TRAF3IP1: variants seen among roughly 807,000 people sequenced by gnomAD.
TRAF3IP1 encodes TRAF3-interacting protein 1.
TRAF3IP1 carries 53 observed loss-of-function variants against 89.9 expected under a neutral mutation model. The observed-to-expected ratio is 0.59, with a 90% confidence interval of 0.47 to 0.74. TRAF3IP1 has a LOEUF of 0.74. Among genes scored for constraint, TRAF3IP1 ranks in the 30% least tolerant of loss-of-function variants. The pLI is 0.00. For missense variants in TRAF3IP1, 806 were observed against 866.1 expected (o/e 0.93, Z 0.87); for synonymous variants, 311 against 322.1 (o/e 0.97, Z 0.37).
At chr2:238,321,721 C>G (rs1420402130) in intron 1 of TRAF3IP1, among the ~76,000 whole-genome samples, 1 of 152,204 alleles carries the variant, frequency 6.6e-6, no homozygotes, top group Non-Finnish European at 1.5e-5. Context: ...GCAGCGGGCG[C>G]AGCACCCATT....
intron 8 of TRAF3IP1, among the ~76,000 whole-genome samples, chr2:238,342,561 G>A (rs1209315580): frequency 1.3e-5 from 2 of 152,150 alleles, no homozygotes; most frequent in South Asian, 2.1e-4. Flanking sequence ...TTTGCTTACT[G>A]TGATGGTGAA....
intron 15 of TRAF3IP1, among the ~76,000 whole-genome samples, chr2:238,378,803 C>G (rs182322280): frequency 2.0e-5 from 3 of 152,192 alleles, no homozygotes; most frequent in East Asian, 1.9e-4. Context: ...GGACCCCCCC[C>G]CAGGCCCCAG....
At chr2:238,356,783 T>TC (rs1699430891) in intron 15 of TRAF3IP1, among the ~76,000 whole-genome samples, 1 of 151,274 alleles carries the variant, frequency 6.6e-6, no homozygotes, top group South Asian at 2.1e-4. Flanking sequence ...GGGAATTTTT[T>TC]TTTTTTTTTT....
rs1697975791 is a variant in TRAF3IP1 at position 238,328,926 on chromosome 2, G to T, written c.499G>T (p.Asp167Tyr). The change falls in exon 5 of 17, where the codon GAT (aspartate) becomes TAT (tyrosine). Residue 167 changes from aspartate to tyrosine, a missense_variant and splice_region_variant. Coordinates refer to ENST00000373327, the MANE Select transcript of TRAF3IP1 (RefSeq NM_015650.4). ...EESRVHKNTE[D>Y]RGDAEIKERS... ...AAATGATTTTATTTTTATTTCGTAG[G>T]ATAGAGGAGACGCTGAAATAAAAGA... The T allele has an allele frequency of 4.5e-6, 7 of 1,568,052 alleles. No homozygotes were observed. The highest frequency in any genetic ancestry group is 6.0e-6 in the Non-Finnish European group (7 of 1,158,746).
intron 15 of TRAF3IP1, among the ~76,000 whole-genome samples, chr2:238,394,461 T>G (rs1701126572): frequency 6.6e-6 from 1 of 152,230 alleles, no homozygotes; most frequent in South Asian, 2.1e-4. Context: ...TTGATTTCTT[T>G]CATCTGCATT....
In TRAF3IP1 at chr2:238,351,881, G is replaced by C. The variant is rs1424998194; in HGVS notation, c.1452-946G>C. Among the ~76,000 whole-genome samples the C allele has an allele frequency of 1.3e-5, 2 of 151,382 alleles. No homozygotes were observed. The highest frequency in any genetic ancestry group is 3.0e-5 in the Non-Finnish European group (2 of 67,788). On this transcript the variant is annotated intron_variant, in intron 12 of 16. Transcript: ENST00000373327. The surrounding 1 kb of genome is among the most constrained non-coding windows in gnomAD (Gnocchi z 5.2). ...TGTGTGTGTGTGCGCGCGCGCGCGTGTGCGTGCATGTGCTTGTGTGTATGC... is the reference window on the plus strand; with the variant it reads ...TGTGTGTGTGTGCGCGCGCGCGCGTCTGCGTGCATGTGCTTGTGTGTATGC...
intron 15 of TRAF3IP1, among the ~76,000 whole-genome samples, chr2:238,380,502 C>G (rs111398512): frequency 4.5e-4 from 68 of 152,310 alleles, no homozygotes; most frequent in African/African-American, 1.6e-3. Flanking sequence ...ATCCCCCTAA[C>G]CGATAGGAAA....
At chr2:238,322,687 C>CAAAAAAA (rs71043130) in intron 1 of TRAF3IP1, among the ~76,000 whole-genome samples, 1 of 43,594 alleles carries the variant, frequency 2.3e-5, no homozygotes, top group Admixed American at 3.8e-4. Flanking sequence ...GACCCTGTCT[C>CAAAAAAA]AAAAAAAAAA....
chr2:238,389,469 C>T lies in TRAF3IP1; in HGVS notation c.1690-7990C>T, dbSNP rs553655912. Reference sequence around the variant, plus strand: ...ATATTTTAAAAATAATACTTTTGGCCGGGTGCAGTGGCTCACATCTGTAAT... The same window carrying T: ...ATATTTTAAAAATAATACTTTTGGCTGGGTGCAGTGGCTCACATCTGTAAT... On this transcript the variant is annotated intron_variant, in intron 15 of 16. Transcript: ENST00000373327. Among the ~76,000 whole-genome samples, 132 of 151,794 alleles carry T rather than the reference C, an allele frequency of 8.7e-4. 1 individual carries two copies. The highest frequency in any genetic ancestry group is 1.1e-3 in the Non-Finnish European group (75 of 67,938).
chr2:238,335,751 GTTTAT>G (rs1341579198), intron 7 of TRAF3IP1, among the ~76,000 whole-genome samples: 81 of 147,896 alleles, frequency 5.5e-4, no homozygotes, highest in East Asian at 4.7e-3. Flanking sequence ...TTGCTCGCTG[GTTTAT>G]TTTATTTTAT....
At chr2:238,390,660 G>A (rs1482421472) in intron 15 of TRAF3IP1, among the ~76,000 whole-genome samples, 1 of 152,120 alleles carries the variant, frequency 6.6e-6, no homozygotes, top group African/African-American at 2.4e-5. Flanking sequence ...TACGATAATG[G>A]TTAACATCTA....
At chr2:238,334,928 A>G (rs1298878349) in intron 7 of TRAF3IP1, among the ~76,000 whole-genome samples, 1 of 152,172 alleles carries the variant, frequency 6.6e-6, no homozygotes, top group Non-Finnish European at 1.5e-5. Flanking sequence ...TTGTTAAGGC[A>G]TGCTGATTTT....
At chr2:238,320,885 C>G in intron 1 of TRAF3IP1, 100 bp downstream of exon 1, 1 of 1,070,874 alleles carries the variant, frequency 9.3e-7, no homozygotes. Context: ...GAGCCGGGCT[C>G]GGGCTCAGGT....
intron 15 of TRAF3IP1, among the ~76,000 whole-genome samples, chr2:238,359,600 C>CT (rs1699574620): frequency 6.6e-6 from 1 of 151,826 alleles, no homozygotes; most frequent in Non-Finnish European, 1.5e-5. Flanking sequence ...TATGGATATA[C>CT]CACAGTGTGT....
intron 1 of TRAF3IP1, among the ~76,000 whole-genome samples, chr2:238,323,127 G>A (rs564472663): frequency 2.9e-4 from 44 of 150,358 alleles, no homozygotes; most frequent in Admixed American, 7.3e-4. Flanking sequence ...CGCCCAGGCT[G>A]GAGTGCAGTG....
At chr2:238,384,599 G>A (rs1238381577) in intron 15 of TRAF3IP1, among the ~76,000 whole-genome samples, 1 of 146,860 alleles carries the variant, frequency 6.8e-6, no homozygotes, top group African/African-American at 2.5e-5. Context: ...TGGCCAGGCT[G>A]GTCTTGAGCT....
chr2:238,323,036 T>C (rs1464201025), intron 1 of TRAF3IP1, among the ~76,000 whole-genome samples: 1 of 152,126 alleles, frequency 6.6e-6, no homozygotes, highest in Non-Finnish European at 1.5e-5. Context: ...TAAGTGTGGA[T>C]ACTGTGACGT....
rs71414327 is a variant in TRAF3IP1, at chr2:238,340,812, CGTGTGT to C, written c.1159+2372_1159+2377del. On this transcript the variant is annotated intron_variant, in intron 8 of 16. Coordinates refer to ENST00000373327, the MANE Select transcript of TRAF3IP1 (RefSeq NM_015650.4). ...CCATTTTGCTTAATGTACAGTTATG[CGTGTGT>C]GTGTGTGTGTGTGTGTATATATATA... 3.1e-3 allele frequency among the ~76,000 whole-genome samples: 457 copies of C among 149,412 alleles called. 6 individuals are homozygous for C. Among genetic ancestry groups the C allele is most frequent in the South Asian group, 0.027 (128 of 4,724 alleles).
chr2:238,386,469 T>C (rs1700778826), intron 15 of TRAF3IP1, among the ~76,000 whole-genome samples: 1 of 152,054 alleles, frequency 6.6e-6, no homozygotes, highest in Non-Finnish European at 1.5e-5. Context: ...TGCGCCACCA[T>C]GCCTGGCTAA....
Sources: allele counts gnomAD v4.1 joint callset (sites outside exome capture counted in the v4.1 genomes callset), GRCh38; gene constraint gnomAD v4.1.1; non-coding constraint Gnocchi (gnomAD v3.1); transcripts MANE v1.5; gene names NCBI Gene and HGNC (gene_info 2026-07-23, HGNC 2026-07-21).